PHC3: variants seen among roughly 807,000 people sequenced by gnomAD.
PHC3 encodes polyhomeotic-like protein 3.
Under a neutral mutation model 107.4 loss-of-function variants are expected in PHC3, and 13 were observed. The ratio of observed to expected loss-of-function variants is 0.12; its 90% CI spans 0.08 to 0.19. PHC3 has a LOEUF of 0.19. Ranked by LOEUF, PHC3 falls within the 10% of genes least tolerant of loss-of-function variation. PHC3 has a pLI of 1.00. For synonymous variants in PHC3, 456 were observed against 427.4 expected (o/e 1.07, Z -0.83); for missense variants, 992 against 1,210.9 (o/e 0.82, Z 2.68).
chr3:170,117,458 G>T lies in PHC3; in HGVS notation c.1961C>A (p.Ala654Asp). The T allele has an allele frequency of 6.2e-7, 1 of 1,611,326 alleles. No homozygotes were observed. The highest frequency in any genetic ancestry group is 8.5e-7 in the Non-Finnish European group (1 of 1,178,512). ...TACTGAAGCACTGACTGATGCCACA[G>T]CAGGTAATTCCACTTGCTCTGAAAA... Reference protein sequence around the residue: ...HPLLEQVELPAVASVSASVIK... With the variant: ...HPLLEQVELPDVASVSASVIK... Residue 654 changes from alanine to aspartate, a missense_variant, in exon 10 of 15, where the codon GCT becomes GAT. Transcript: ENST00000495893.
At chr3:170,119,995 A>G (rs577867361) in intron 9 of PHC3, among the ~76,000 whole-genome samples, 1 of 152,324 alleles carries the variant, frequency 6.6e-6, no homozygotes, top group Admixed American at 6.5e-5. Flanking sequence ...TGAGGAAAAC[A>G]TGGAAAGACG....
intron 14 of PHC3, among the ~76,000 whole-genome samples, chr3:170,098,377 A>T (rs987871846): frequency 1.3e-5 from 2 of 152,204 alleles, no homozygotes. Flanking sequence ...ATTTTATTCA[A>T]ATCAGCATTC....
At chr3:170,111,444 GAGA>G (rs1717753576) in intron 11 of PHC3, among the ~76,000 whole-genome samples, 1 of 151,074 alleles carries the variant, frequency 6.6e-6, no homozygotes, top group Non-Finnish European at 1.5e-5. Flanking sequence ...AGAAAGGAAA[GAGA>G]AGAGAAGAGA....
chr3:170,106,971 A>G lies in PHC3; in HGVS notation c.2354-25T>C, dbSNP rs755180680. 3 of 1,548,328 alleles carry G rather than the reference A, an allele frequency of 1.9e-6. No individual in the cohort carries two copies. The Admixed American group carries it at 6.1e-5, about 32-fold the overall frequency. ...TCTAAAAAAGAAGGAAACAAAGGAA[A>G]AAAAGGTTCCAAAAATTTAATTATG... On this transcript the variant is annotated intron_variant, in intron 11 of 14. Coordinates refer to ENST00000495893, the MANE Select transcript of PHC3 (RefSeq NM_024947.4).
At chr3:170,104,786 T>C (rs1354950267) in intron 12 of PHC3, among the ~76,000 whole-genome samples, 1 of 152,250 alleles carries the variant, frequency 6.6e-6, no homozygotes, top group African/African-American at 2.4e-5. Context: ...CAATTCATTT[T>C]ACCCTAAAAC....
chr3:170,156,711 C>T (rs937228500), intron 4 of PHC3, among the ~76,000 whole-genome samples: 4 of 152,118 alleles, frequency 2.6e-5, no homozygotes, highest in Non-Finnish European at 4.4e-5. Context: ...GATTCTCCTG[C>T]CTCAGCCTCC....
intron 11 of PHC3, among the ~76,000 whole-genome samples, 182 bp from the exon 12 acceptor site, chr3:170,107,128 G>C (rs1054926455): frequency 5.3e-5 from 8 of 152,076 alleles, no homozygotes; most frequent in Non-Finnish European, 1.0e-4. Flanking sequence ...ATTCCCTCTT[G>C]CTTCTGCATA....
rs1730973730 is a variant in PHC3 at position 170,179,012 on chromosome 3, G to A, written c.15-74C>T. ...AGCTTTAAAGAATATTCATTCCAAAGAAATAATCAGCAGTAATCTAAACTG... is the reference window on the plus strand; with the variant it reads ...AGCTTTAAAGAATATTCATTCCAAAAAAATAATCAGCAGTAATCTAAACTG... On this transcript the variant is annotated intron_variant, in intron 1 of 14. Coordinates refer to ENST00000495893, the MANE Select transcript of PHC3 (RefSeq NM_024947.4). 2.9e-6 allele frequency: 4 copies of A among 1,382,148 alleles called. No individual in the cohort carries two copies. In the African/African-American group the frequency reaches 4.3e-5, roughly 15 times the overall value. 85.6% of individuals were successfully genotyped at this position (1,382,148 alleles called of 1,614,324 possible).
intron 6 of PHC3, 84 bp downstream of exon 6, chr3:170,145,339 G>C (rs1420843820): frequency 1.0e-5 from 11 of 1,072,686 alleles, no homozygotes; most frequent in Admixed American, 2.5e-5. Flanking sequence ...GAAACCATCA[G>C]TAACTTAAAC....
At chr3:170,102,750 T>C (rs1462391835) in intron 13 of PHC3, 40 bp from the exon 14 acceptor site, 4 of 1,613,256 alleles carry the variant, frequency 2.5e-6, no homozygotes, top group Admixed American at 1.7e-5. Context: ...CATTGCACTT[T>C]CCTTGCATTT....
At chr3:170,141,342 C>G (rs1246850537) in intron 6 of PHC3, among the ~76,000 whole-genome samples, 1 of 152,158 alleles carries the variant, frequency 6.6e-6, no homozygotes, top group African/African-American at 2.4e-5. Flanking sequence ...AAAGTTCAAT[C>G]CATTCCTCTA....
chr3:170,126,528 A>ATATATATATATATATATATATAT (rs370421296), intron 8 of PHC3, among the ~76,000 whole-genome samples: 1 of 90,638 alleles, frequency 1.1e-5, no homozygotes, highest in African/African-American at 4.5e-5. Flanking sequence ...ATATATATAT[A>ATATATATATATATATATATATAT]TTTTTTTTTT....
At position 170,096,153 on chromosome 3, in the gene PHC3, G is replaced by A. The variant is rs977487891; in HGVS notation, c.*1077C>T. ...GTACTTTCTGAGAGTTAAATTATTTGCATGTTTGTCCTTATTTTATAGGAC... is the reference window on the plus strand; with the variant it reads ...GTACTTTCTGAGAGTTAAATTATTTACATGTTTGTCCTTATTTTATAGGAC... On this transcript the variant is annotated 3_prime_UTR_variant, in exon 15 of 15. Transcript: ENST00000495893. The A allele has an allele frequency of 1.3e-5, 2 of 151,946 alleles. No homozygotes were observed. Among genetic ancestry groups the A allele is most frequent in the African/African-American group, 4.8e-5 (2 of 41,360 alleles). 9.4% of individuals were successfully genotyped at this position (151,946 alleles called of 1,614,324 possible).
chr3:170,157,329 T>C (rs1232203572), intron 4 of PHC3, among the ~76,000 whole-genome samples: 1 of 152,116 alleles, frequency 6.6e-6, no homozygotes, highest in East Asian at 1.9e-4. Flanking sequence ...CCATAATACA[T>C]AGGATAAGAT....
At position 170,128,834 on chromosome 3, in the gene PHC3, G is replaced by T; in HGVS notation, c.1638C>A (p.Gly546=). 6.2e-7 allele frequency: 1 copy of T among 1,614,014 alleles called. No individual in the cohort carries two copies. Among genetic ancestry groups the T allele is most frequent in the East Asian group, 2.2e-5 (1 of 44,886 alleles). The change falls in exon 8 of 15, where the codon GGC becomes GGA. Residue 546 remains glycine (G), a synonymous_variant. Transcript: ENST00000495893. The part of the protein sequence containing the change: ...LQVQPEILSQ[G]QVLVQNALVS... ...CCAAAGCATTCTGCACCAAAACCTGGCCCTGGGACAGAATTTCAGGCTGCA... is the reference window on the plus strand; with the variant it reads ...CCAAAGCATTCTGCACCAAAACCTGTCCCTGGGACAGAATTTCAGGCTGCA...
chr3:170,106,520 T>C (rs1220022851), intron 12 of PHC3, among the ~76,000 whole-genome samples: 1 of 152,168 alleles, frequency 6.6e-6, no homozygotes, highest in East Asian at 1.9e-4. Context: ...GATGACTTCA[T>C]TGAAGGGATT....
rs919768191 is a variant in PHC3 at position 170,089,957 on chromosome 3, C to G, written c.*7273G>C. The G allele has an allele frequency of 2.0e-5, 3 of 149,482 alleles. No individual in the cohort carries two copies. Among genetic ancestry groups the G allele is most frequent in the Non-Finnish European group, 4.4e-5 (3 of 67,500 alleles). The allele number at this position is 149,482 out of a possible 1,614,324, so 9.3% of individuals were successfully genotyped here. ...AAAAAAAAAAAAAGAAAGAAAGTTGCTCACTGTCAATACTGGGTAAAAAGC... is the reference window on the plus strand; with the variant it reads ...AAAAAAAAAAAAAGAAAGAAAGTTGGTCACTGTCAATACTGGGTAAAAAGC... On this transcript the variant is annotated 3_prime_UTR_variant, in exon 15 of 15. Transcript: ENST00000495893.
chr3:170,164,099 G>A (rs1490616434), intron 4 of PHC3, among the ~76,000 whole-genome samples: 1 of 152,014 alleles, frequency 6.6e-6, no homozygotes, highest in Non-Finnish European at 1.5e-5. Flanking sequence ...CTACTCAGTA[G>A]GCTGAGGCAG....
intron 9 of PHC3, among the ~76,000 whole-genome samples, chr3:170,119,036 T>TAAAAAAAAAAAAAAAAAAAAAAAAAAA (rs1002478959): frequency 4.4e-4 from 32 of 72,610 alleles, no homozygotes; most frequent in East Asian, 7.0e-4. Flanking sequence ...TATAAAAAGC[T>TAAAAAAAAAAAAAAAAAAAAAAAAAAA]AAAAAAAAAA....
Sources: gnomAD v4.1 joint callset for allele counts (sites outside exome capture counted in the v4.1 genomes callset) on GRCh38, gnomAD v4.1.1 for gene constraint, MANE v1.5 for transcripts, NCBI Gene and HGNC (gene_info 2026-07-23, HGNC 2026-07-21) for gene names.